The following ZNF610 variants were observed in gnomAD, a reference collection of about 807,000 sequenced individuals.
ZNF610 encodes the protein zinc finger protein 610, also known as zink finger protein.
Under a neutral mutation model 14.1 loss-of-function variants are expected in ZNF610, and 14 were observed. The observed-to-expected ratio is 0.99, with a 90% CI of 0.65 to 1.55. The LOEUF is 1.55. Ranked by LOEUF, ZNF610 falls within the 40% of genes most tolerant of loss-of-function variation. The pLI is 0.00. For missense variants in ZNF610, 530 were observed against 558.0 expected, an observed-to-expected ratio of 0.95 and a Z score of 0.51; for synonymous variants, 185 against 187.6, an observed-to-expected ratio of 0.99 and a Z score of 0.11.
At chr19:52,361,952 A>T (rs1172517433) in intron 5 of ZNF610, among the ~76,000 whole-genome samples, 1 of 152,034 alleles carries the variant, frequency 6.6e-6, no homozygotes, top group Non-Finnish European at 1.5e-5. Context: ...ATGAGGTCTC[A>T]CTCTGTCTCC....
intron 3 of ZNF610, among the ~76,000 whole-genome samples, 174 bp from the exon 4 acceptor site, chr19:52,353,508 T>A (rs1419389549): frequency 2.0e-5 from 3 of 152,230 alleles, no homozygotes; most frequent in East Asian, 1.9e-4. Context: ...TCTGAATTTT[T>A]AAAAATACTA....
At chr19:52,365,639 A>AC (rs1277309780) in intron 5 of ZNF610, 59 bp from the exon 6 acceptor site, 28 of 1,473,602 alleles carry the variant, frequency 1.9e-5, no homozygotes, top group Non-Finnish European at 2.1e-5. Context: ...TGGTCCCTCC[A>AC]CCAGACGGTA....
upstream of ZNF610, among the ~76,000 whole-genome samples, chr19:52,335,423 G>A (rs1326517549): frequency 6.6e-6 from 1 of 152,176 alleles, no homozygotes; most frequent in Non-Finnish European, 1.5e-5. Context: ...TGCCCCGTTC[G>A]TTCTGCCTTG....
chr19:52,333,781 C>G (rs1219903614), upstream of ZNF610, among the ~76,000 whole-genome samples: 2 of 152,072 alleles, frequency 1.3e-5, no homozygotes, highest in Admixed American at 1.3e-4. Context: ...AATGCTGTGC[C>G]CTTCTCAGAA....
intron 5 of ZNF610, among the ~76,000 whole-genome samples, chr19:52,361,469 G>A (rs10424465): frequency 0.014 from 2,090 of 152,072 alleles, 31 homozygotes; most frequent in African/African-American, 0.043. Flanking sequence ...GAGCCACTGC[G>A]CCCGGCCACA....
chr19:52,349,261 TTC>T lies in ZNF610; in HGVS notation c.63+32_63+33del, dbSNP rs764341235. On this transcript the variant is annotated intron_variant, in intron 3 of 5. Coordinates refer to ENST00000403906, the MANE Select transcript of ZNF610 (RefSeq NM_001161425.2). ...GTAAAGTGATATTCTCGGTGGTTGG[TTC>T]TCTCTGTTTCTTTCTGAAATGCCTG... 1.4e-5 allele frequency: 23 copies of T among 1,590,342 alleles called. No homozygotes were observed. The South Asian group carries it at 2.4e-4, about 17-fold the overall frequency.
At chr19:52,357,545 T>G (rs964627164) in intron 5 of ZNF610, among the ~76,000 whole-genome samples, 2 of 145,436 alleles carry the variant, frequency 1.4e-5, no homozygotes, top group Admixed American at 1.4e-4. Context: ...CTTGGGAGGC[T>G]GAGCCCGGAG....
At chr19:52,339,089 T>C (rs761984259) in intron 1 of ZNF610, among the ~76,000 whole-genome samples, 3 of 152,016 alleles carry the variant, frequency 2.0e-5, no homozygotes, top group Admixed American at 2.0e-4. Flanking sequence ...TGCCTTGATG[T>C]GCATGTATAC....
At chr19:52,344,391 G>A (rs1984837448) in intron 1 of ZNF610, among the ~76,000 whole-genome samples, 1 of 152,056 alleles carries the variant, frequency 6.6e-6, no homozygotes. Context: ...GAAGCTGTGT[G>A]TGTTTCTTTC....
At chr19:52,355,955 C>T (rs1273810845) in intron 5 of ZNF610, among the ~76,000 whole-genome samples, 1 of 152,164 alleles carries the variant, frequency 6.6e-6, no homozygotes, top group Non-Finnish European at 1.5e-5. Flanking sequence ...TTGATATTAA[C>T]TCAATCTCCA....
chr19:52,365,981 T>A lies in ZNF610; in HGVS notation c.603T>A (p.Ser201=), dbSNP rs1568656273. 1.2e-6 allele frequency: 2 copies of A among 1,614,042 alleles called. No individual in the cohort carries two copies. The highest frequency in any genetic ancestry group is 2.2e-5 in the South Asian group (2 of 91,074). The change falls in exon 6 of 6, where the codon TCT becomes TCA. Residue 201 remains serine, a synonymous_variant. Transcript: ENST00000403906. ...QEEKAYIRGK[S]YEYECSEDGE... ...AGAAAGCATACATTAGAGGAAAATC[T>A]TATGAATATGAATGTAGTGAAGATG...
At chr19:52,332,508 A>C (rs939454298), upstream of ZNF610, among the ~76,000 whole-genome samples, 3 of 152,264 alleles carry the variant, frequency 2.0e-5, no homozygotes, top group Non-Finnish European at 4.4e-5. This position sits in a 1 kb window ranked among gnomAD's most constrained non-coding sequence, Gnocchi z 4.1. Flanking sequence ...ATCTGAAAGA[A>C]TATGTTGCTC....
chr19:52,364,202 T>TAAAA (rs1985916105), intron 5 of ZNF610, among the ~76,000 whole-genome samples: 1 of 152,236 alleles, frequency 6.6e-6, no homozygotes, highest in Non-Finnish European at 1.5e-5. Flanking sequence ...ATTTTAGTGC[T>TAAAA]TTTTAAATAA....
chr19:52,338,849 GAA>G (rs1195719481), intron 1 of ZNF610, among the ~76,000 whole-genome samples: 4 of 152,204 alleles, frequency 2.6e-5, no homozygotes, highest in South Asian at 4.1e-4. Context: ...CTCAGAAAAA[GAA>G]AGAGACACAG....
intron 5 of ZNF610, among the ~76,000 whole-genome samples, chr19:52,365,376 G>T (rs1226035907): frequency 1.3e-5 from 2 of 152,128 alleles, no homozygotes; most frequent in Non-Finnish European, 2.9e-5. Context: ...TATTACTAAT[G>T]TCTATACAAC....
rs936575742 is a variant in ZNF610, at chr19:52,347,785, C to T, written c.-179C>T. ...CAGTCTGCCTGCCTCGTTCTCCAAA[C>T]GTGCTGGGATTACAGGCATGAGCCA... On this transcript the variant is annotated 5_prime_UTR_variant, in exon 2 of 6. The change creates a new upstream start codon in the 5' untranslated region. Coordinates refer to ENST00000403906, the MANE Select transcript of ZNF610 (RefSeq NM_001161425.2). 9.2e-5 allele frequency: 14 copies of T among 152,070 alleles called. No individual in the cohort carries two copies. Among genetic ancestry groups the T allele is most frequent in the African/African-American group, 1.7e-4 (7 of 41,406 alleles). 9.4% of individuals were successfully genotyped at this position (152,070 alleles called of 1,614,324 possible). A position where few individuals can be genotyped will look rare whatever the true frequency, so the allele number is the denominator to read the frequency against.
intron 5 of ZNF610, among the ~76,000 whole-genome samples, chr19:52,357,700 C>T (rs1985597444): frequency 1.4e-5 from 2 of 145,110 alleles, no homozygotes; most frequent in Non-Finnish European, 3.0e-5. Context: ...CATGGTAGTA[C>T]ACACCTTGTA....
rs527441692 is a variant in ZNF610 at position 52,361,891 on chromosome 19, GA to G, written c.320-3805del. Reference sequence around the variant, plus strand: ...AGTTTGGTTTTTTTTATACTTCATTGAAGTATAAAGTTAGATTGTTTACATG... The same window carrying G: ...AGTTTGGTTTTTTTTATACTTCATTGAGTATAAAGTTAGATTGTTTACATG... On this transcript the variant is annotated intron_variant, in intron 5 of 5. Coordinates refer to ENST00000403906, the MANE Select transcript of ZNF610 (RefSeq NM_001161425.2). Among the ~76,000 whole-genome samples, 159 of 151,890 alleles carry G rather than the reference GA, an allele frequency of 1.0e-3. 1 individual carries two copies. Among genetic ancestry groups the G allele is most frequent in the African/African-American group, 3.5e-3 (143 of 41,408 alleles).
intron 3 of ZNF610, 30 bp from the exon 4 acceptor site, chr19:52,353,652 G>T (rs758163500): frequency 6.2e-7 from 1 of 1,609,566 alleles, no homozygotes; most frequent in South Asian, 1.1e-5. Context: ...TACATTTTTA[G>T]TGTTGTAAAC....
Sources: gnomAD v4.1 joint callset for allele counts (sites outside exome capture counted in the v4.1 genomes callset) on GRCh38, gnomAD v4.1.1 for gene constraint, Gnocchi (gnomAD v3.1) non-coding constraint, MANE v1.5 for transcripts, NCBI Gene and HGNC (gene_info 2026-07-23, HGNC 2026-07-21) for gene names.